LHPP: variants seen among roughly 807,000 people sequenced by gnomAD.
LHPP encodes phospholysine phosphohistidine inorganic pyrophosphate phosphatase.
Under a neutral mutation model 30.3 loss-of-function variants are expected in LHPP, and 24 were observed. The ratio of observed to expected loss-of-function variants is 0.79; its 90% CI spans 0.57 to 1.11. LHPP has a LOEUF of 1.11. Among genes scored for constraint, LHPP ranks in the 50% most tolerant of loss-of-function variants. The pLI is 0.00. For synonymous variants in LHPP, 150 were observed against 157.1 expected (o/e 0.95, Z 0.34); for missense variants, 356 against 367.2 (o/e 0.97, Z 0.25).
chr10:124,525,223 C>T (rs1030557896), intron 6 of LHPP, among the ~76,000 whole-genome samples: 2 of 152,210 alleles, frequency 1.3e-5, no homozygotes, highest in Non-Finnish European at 2.9e-5. Flanking sequence ...CCTCTCTGCC[C>T]GTCCCTCAGA....
chr10:124,560,723 G>C, intron 6 of LHPP, among the ~76,000 whole-genome samples: 1 of 152,200 alleles, frequency 6.6e-6, no homozygotes, highest in East Asian at 1.9e-4. Context: ...AGAGGGGCCT[G>C]GGGTTTGGCT....
intron 3 of LHPP, chr10:124,489,839 C>T: frequency 4.7e-6 from 1 of 212,658 alleles, no homozygotes. Context: ...AGGTGGCTGA[C>T]CATGTCCACG....
chr10:124,559,523 A>G (rs1948356830), intron 6 of LHPP, among the ~76,000 whole-genome samples: 1 of 152,242 alleles, frequency 6.6e-6, no homozygotes, highest in South Asian at 2.1e-4. Context: ...AAGTCACATC[A>G]CAAGTTGTGT....
chr10:124,464,500 A>G (rs1179833508), intron 1 of LHPP, among the ~76,000 whole-genome samples: 1 of 152,200 alleles, frequency 6.6e-6, no homozygotes, highest in African/African-American at 2.4e-5. Context: ...GAGCAAGCAC[A>G]AAGGGCAGCC....
intron 1 of LHPP, among the ~76,000 whole-genome samples, chr10:124,482,843 T>C (rs1953183032): frequency 6.6e-6 from 1 of 152,136 alleles, no homozygotes; most frequent in South Asian, 2.1e-4. Flanking sequence ...GTCTCTCTCT[T>C]CTCAGTCACA....
chr10:124,506,697 GC>G (rs1480517323), intron 5 of LHPP, among the ~76,000 whole-genome samples: 8 of 84,692 alleles, frequency 9.4e-5, no homozygotes, highest in Non-Finnish European at 1.8e-4. Context: ...TTTCAGGTTG[GC>G]GGGTAGGGAA....
intron 6 of LHPP, among the ~76,000 whole-genome samples, chr10:124,553,653 G>A (rs1948225485): frequency 6.6e-6 from 1 of 152,132 alleles, no homozygotes; most frequent in South Asian, 2.1e-4. Flanking sequence ...TAGAGACAGG[G>A]TTTCACCGTG....
chr10:124,484,133 C>T lies in LHPP; in HGVS notation c.126-6C>T, dbSNP rs1953238341. ...ACTTCCCGGGCCTGTGTCTCCCCTGCCGCAGACTGAAGCGTTCCCGGCTGA... is the reference window on the plus strand; with the variant it reads ...ACTTCCCGGGCCTGTGTCTCCCCTGTCGCAGACTGAAGCGTTCCCGGCTGA... On this transcript the variant is annotated splice_polypyrimidine_tract_variant and splice_region_variant and intron_variant, in intron 1 of 6. Coordinates refer to ENST00000368842, the MANE Select transcript of LHPP (RefSeq NM_022126.4). The T allele has an allele frequency of 1.9e-6, 3 of 1,613,282 alleles. No individual in the cohort carries two copies. Among genetic ancestry groups the T allele is most frequent in the Non-Finnish European group, 2.5e-6 (3 of 1,179,754 alleles).
chr10:124,539,606 C>T (rs552004864), intron 6 of LHPP, among the ~76,000 whole-genome samples: 6 of 152,232 alleles, frequency 3.9e-5, no homozygotes, highest in African/African-American at 1.4e-4. Context: ...CGTGGTGGCT[C>T]ACGCCTGTAA....
intron 6 of LHPP, among the ~76,000 whole-genome samples, chr10:124,529,813 GCA>G (rs3083540): frequency 3.9e-4 from 57 of 147,082 alleles, no homozygotes; most frequent in African/African-American, 6.7e-4. Context: ...ACACACACAC[GCA>G]CACACACACA....
At chr10:124,467,929 C>G (rs781210367) in intron 1 of LHPP, among the ~76,000 whole-genome samples, 1 of 152,130 alleles carries the variant, frequency 6.6e-6, no homozygotes, top group Non-Finnish European at 1.5e-5. Flanking sequence ...AGGCTGGTCT[C>G]AAACTCCTGA....
intron 1 of LHPP, among the ~76,000 whole-genome samples, chr10:124,468,700 C>A (rs1002975670): frequency 6.6e-6 from 1 of 152,234 alleles, no homozygotes; most frequent in Non-Finnish European, 1.5e-5. Flanking sequence ...CCCACACCAG[C>A]GTGCCCTTCG....
intron 6 of LHPP, among the ~76,000 whole-genome samples, chr10:124,551,773 C>T (rs1489271411): frequency 6.6e-6 from 1 of 152,150 alleles, no homozygotes; most frequent in African/African-American, 2.4e-5. Context: ...CCCTCCCCTC[C>T]ACCTGCCGGC....
intron 5 of LHPP, among the ~76,000 whole-genome samples, chr10:124,505,670 C>G (rs1232118434): frequency 1.3e-5 from 2 of 152,186 alleles, no homozygotes; most frequent in Non-Finnish European, 2.9e-5. Context: ...ATATCTAATT[C>G]TCACGGTTTA....
chr10:124,541,276 A>G lies in LHPP; in HGVS notation c.716+24005A>G, dbSNP rs920554056. On this transcript the variant is annotated intron_variant, in intron 6 of 6. Coordinates refer to ENST00000368842, the MANE Select transcript of LHPP (RefSeq NM_022126.4). The surrounding 1 kb of genome is among the most constrained non-coding windows in gnomAD (Gnocchi z 4.2). The stretch of plus-strand genomic sequence containing the variant: ...CACGACCAGCCTGCAGTACCAGGAT[A>G]GACAATTTGGGCTGGAGCCAAACTT... Among the ~76,000 whole-genome samples, 3 of 152,252 alleles carry G rather than the reference A, an allele frequency of 2.0e-5. No homozygotes were observed. Among genetic ancestry groups the G allele is most frequent in the African/African-American group, 7.2e-5 (3 of 41,472 alleles).
At chr10:124,487,231 G>A (rs965288018) in intron 2 of LHPP, among the ~76,000 whole-genome samples, 55 of 152,226 alleles carry the variant, frequency 3.6e-4, no homozygotes, top group African/African-American at 1.3e-3. Context: ...ACCTAGCAGC[G>A]AAATTACTGG....
intron 1 of LHPP, among the ~76,000 whole-genome samples, chr10:124,471,926 G>A (rs61861927): frequency 0.4 from 59,737 of 150,112 alleles, 12,159 homozygotes; most frequent in East Asian, 0.58. Flanking sequence ...GTGCCACCGT[G>A]TCTAGCTCAG....
At position 124,596,376 on chromosome 10, in the gene LHPP, G is replaced by A. The variant is rs975056127; in HGVS notation, c.717-16888G>A. 1.2e-4 allele frequency among the ~76,000 whole-genome samples: 18 copies of A among 152,128 alleles called. No homozygotes were observed. The highest frequency in any genetic ancestry group is 4.1e-4 in the African/African-American group (17 of 41,408). ...ACCATGTTGCGCTCCCGCCAGCCTC[G>A]CTGAGTTCCCATAGCACCATGTCTT... On this transcript the variant is annotated intron_variant, in intron 6 of 6. Transcript: ENST00000368842. This position sits in a 1 kb window ranked among gnomAD's most constrained non-coding sequence, Gnocchi z 4.6.
At chr10:124,598,680 C>A (rs1263297743) in intron 6 of LHPP, among the ~76,000 whole-genome samples, 1 of 151,738 alleles carries the variant, frequency 6.6e-6, no homozygotes, top group African/African-American at 2.4e-5. Context: ...CCTGTCCACC[C>A]TGATGCAGTT....
Sources: allele counts gnomAD v4.1 joint callset (sites outside exome capture counted in the v4.1 genomes callset), GRCh38; gene constraint gnomAD v4.1.1; non-coding constraint Gnocchi (gnomAD v3.1); transcripts MANE v1.5; gene names NCBI Gene and HGNC (gene_info 2026-07-23, HGNC 2026-07-21).